RAB30: variants seen among roughly 807,000 people sequenced by gnomAD.
RAB30 encodes the protein ras-related protein Rab-30.
Under a neutral mutation model 25.1 loss-of-function variants are expected in RAB30, and 9 were observed. That is an observed-to-expected ratio of 0.36 (90% CI 0.22 to 0.63). The LOEUF (loss-of-function observed/expected upper bound fraction) is 0.63. Among genes scored for constraint, RAB30 ranks in the 20% least tolerant of loss-of-function variants. RAB30 has a pLI of 0.69. For synonymous variants in RAB30, 77 were observed against 86.4 expected, an observed-to-expected ratio of 0.89 and a Z score of 0.60; for missense variants, 140 against 243.5, an observed-to-expected ratio of 0.58 and a Z score of 2.83.
chr11:83,045,706 T>G (rs1160088223), intron 1 of RAB30, among the ~76,000 whole-genome samples: 1 of 152,250 alleles, frequency 6.6e-6, no homozygotes, highest in Non-Finnish European at 1.5e-5. Context: ...GTAAACCTAT[T>G]ACATTGAGTT....
rs368262277 is a variant in RAB30, at chr11:83,029,047, G to A, written c.-8-31723C>T. 5.9e-5 allele frequency among the ~76,000 whole-genome samples: 9 copies of A among 152,128 alleles called. No individual in the cohort carries two copies. In the East Asian group the frequency reaches 1.7e-3, roughly 29 times the overall value. Reference sequence around the variant, plus strand: ...CAAAAACAAACAAAAAAAAGCTCCTGGAGGATGTCCTTCACTAAGTGGTAT... The same window carrying A: ...CAAAAACAAACAAAAAAAAGCTCCTAGAGGATGTCCTTCACTAAGTGGTAT... On this transcript the variant is annotated intron_variant, in intron 1 of 4. Transcript: ENST00000527633.
intron 1 of RAB30, among the ~76,000 whole-genome samples, chr11:83,013,115 ACT>A (rs1167521827): frequency 2.0e-5 from 3 of 151,584 alleles, no homozygotes; most frequent in African/African-American, 7.3e-5. Flanking sequence ...ACAGAGTCTC[ACT>A]CTGTTCCCCA....
At chr11:83,013,535 T>G (rs1376712383) in intron 1 of RAB30, among the ~76,000 whole-genome samples, 2 of 152,150 alleles carry the variant, frequency 1.3e-5, no homozygotes, top group Non-Finnish European at 2.9e-5. Context: ...AACTGATCAG[T>G]ACACACAAAA....
At chr11:83,032,801 G>C (rs543239762) in intron 1 of RAB30, among the ~76,000 whole-genome samples, 1 of 152,184 alleles carries the variant, frequency 6.6e-6, no homozygotes, top group African/African-American at 2.4e-5. Context: ...GTACTCTAAA[G>C]GTAAATAGGA....
rs913776337 is a variant in RAB30, at chr11:82,978,643, T to G, written c.*3522A>C. 5.3e-5 allele frequency: 8 copies of G among 152,206 alleles called. No individual in the cohort carries two copies. Among genetic ancestry groups the G allele is most frequent in the African/African-American group, 1.9e-4 (8 of 41,444 alleles). The allele number at this position is 152,206 out of a possible 1,614,324, so 9.4% of individuals were successfully genotyped here. On this transcript the variant is annotated 3_prime_UTR_variant, in exon 5 of 5. Coordinates refer to ENST00000527633, the MANE Select transcript of RAB30 (RefSeq NM_001286060.2). ...ATGAGTCATGAACTGAAACTTGGTG[T>G]GGGATCTGGTGGAATTATGGGCTAG...
intron 1 of RAB30, among the ~76,000 whole-genome samples, chr11:83,064,474 G>A (rs1397084287): frequency 7.9e-5 from 12 of 152,212 alleles, no homozygotes; most frequent in Admixed American, 1.3e-4. Context: ...TTTTCCCTTC[G>A]ATTTGGGAAC....
chr11:83,052,428 GAGA>G (rs1474199171), intron 1 of RAB30, among the ~76,000 whole-genome samples: 1 of 152,210 alleles, frequency 6.6e-6, no homozygotes, highest in African/African-American at 2.4e-5. Flanking sequence ...TACCAGGGAA[GAGA>G]AATGGCCTGG....
chr11:83,056,165 A>T (rs1858455726), intron 1 of RAB30, among the ~76,000 whole-genome samples: 1 of 152,194 alleles, frequency 6.6e-6, no homozygotes, highest in African/African-American at 2.4e-5. Context: ...TACACCCACT[A>T]AACAGCTTCC....
chr11:82,997,935 C>T (rs975412189), intron 1 of RAB30, among the ~76,000 whole-genome samples: 3 of 152,184 alleles, frequency 2.0e-5, no homozygotes, highest in African/African-American at 4.8e-5. Context: ...TGTCTGTTCA[C>T]TCCTCTGGGC....
intron 1 of RAB30, among the ~76,000 whole-genome samples, chr11:83,054,732 G>A: frequency 6.6e-6 from 1 of 151,862 alleles, no homozygotes; most frequent in East Asian, 1.9e-4. Flanking sequence ...CCAGATGTGG[G>A]GGTGTGCACC....
chr11:83,001,753 A>G (rs1590844876), intron 1 of RAB30, among the ~76,000 whole-genome samples: 1 of 152,310 alleles, frequency 6.6e-6, no homozygotes, highest in South Asian at 2.1e-4. Flanking sequence ...AGGGAAACCC[A>G]TTCAAAAGCA....
At chr11:82,989,970 G>T (rs1016183024) in intron 3 of RAB30, among the ~76,000 whole-genome samples, 1 of 152,204 alleles carries the variant, frequency 6.6e-6, no homozygotes, top group African/African-American at 2.4e-5. Flanking sequence ...TAAAATCAAC[G>T]CTGATTTCAA....
chr11:83,024,871 C>A (rs1420487345), intron 1 of RAB30, among the ~76,000 whole-genome samples: 1 of 152,158 alleles, frequency 6.6e-6, no homozygotes, highest in Non-Finnish European at 1.5e-5. Flanking sequence ...ACTCAGCATC[C>A]CAAGTTTGTT....
intron 1 of RAB30, among the ~76,000 whole-genome samples, chr11:83,017,312 G>C (rs2121507674): frequency 6.6e-6 from 1 of 152,194 alleles, no homozygotes; most frequent in South Asian, 2.1e-4. Context: ...ACTCCAGCCT[G>C]GGCAACAGGA....
chr11:83,061,748 A>C (rs1255095217), intron 1 of RAB30, among the ~76,000 whole-genome samples: 2 of 106,092 alleles, frequency 1.9e-5, no homozygotes, highest in Admixed American at 1.4e-4. Context: ...ATGGGGTCTT[A>C]CAACGTTGCC....
At position 82,978,150 on chromosome 11, in the gene RAB30, A is replaced by G. The variant is rs1856576694; in HGVS notation, c.*4015T>C. 6.6e-6 allele frequency: 1 copy of G among 152,184 alleles called. No homozygotes were observed. The allele number at this position is 152,184 out of a possible 1,614,324, so 9.4% of individuals were successfully genotyped here. ...AGCGAAGTCTCAAAAGTATCATAGT[A>G]TAAACATGTCAGGACCATGGTTGAG... is the stretch of plus-strand genomic sequence containing the variant. On this transcript the variant is annotated 3_prime_UTR_variant, in exon 5 of 5. Transcript: ENST00000527633.
intron 3 of RAB30, among the ~76,000 whole-genome samples, 197 bp downstream of exon 3, chr11:82,993,842 T>C (rs1196002109): frequency 2.0e-5 from 3 of 152,242 alleles, no homozygotes; most frequent in Admixed American, 2.0e-4. Flanking sequence ...TCTTCTAATC[T>C]GTAAACACAT....
chr11:83,024,704 CA>C (rs1857667328), intron 1 of RAB30, among the ~76,000 whole-genome samples: 2 of 152,266 alleles, frequency 1.3e-5, no homozygotes, highest in South Asian at 4.1e-4. Context: ...AGGCTGTTTC[CA>C]GAATTGTGTG....
intron 1 of RAB30, among the ~76,000 whole-genome samples, chr11:83,053,754 A>G (rs1278511289): frequency 6.6e-6 from 1 of 152,232 alleles, no homozygotes; most frequent in Non-Finnish European, 1.5e-5. Context: ...TAAATTTTCC[A>G]TAAGACTTAA....
Sources: gnomAD v4.1 joint callset for allele counts (sites outside exome capture counted in the v4.1 genomes callset) on GRCh38, gnomAD v4.1.1 for gene constraint, MANE v1.5 for transcripts, NCBI Gene and HGNC (gene_info 2026-07-23, HGNC 2026-07-21) for gene names.